Variants in MIA3 observed in about 807,000 individuals in gnomAD.
MIA3 encodes the protein MIA SH3 domain ER export factor 3, also known as transport and Golgi organization protein 1 homolog.
A neutral mutation model predicts 192.4 loss-of-function variants in MIA3; 90 were observed. That is an observed-to-expected ratio of 0.47 (90% CI 0.39 to 0.56). The LOEUF (loss-of-function observed/expected upper bound fraction) is 0.56, where lower values mean the gene tolerates loss of function less well. Among genes scored for constraint, MIA3 ranks in the 20% least tolerant of loss-of-function variants. MIA3 has a pLI of 0.00. For synonymous variants in MIA3, 740 were observed against 792.8 expected, an observed-to-expected ratio of 0.93 and a Z score of 1.12; for missense variants, 2,123 against 2,269.4, an observed-to-expected ratio of 0.94 and a Z score of 1.31.
chr1:222,654,688 C>T lies in MIA3; in HGVS notation c.4502C>T (p.Ser1501Leu), dbSNP rs765148753. Residue 1501 changes from serine (S) to leucine (L), a missense_variant, in exon 18 of 28, where the codon TCA becomes TTA. Around this residue, in one of 3 missense-constraint regions of MIA3, gnomAD observed 762 missense variants for 856.4 expected, o/e 0.89. Transcript: ENST00000344922. ...QVKKLEDDRN[S>L]LQAAKAGLED... is the part of the protein sequence containing the mutation. ...AAGAAATTGGAAGATGACCGCAACTCACTACAAGCTGCCAAAGCTGGACTG... is the reference window on the plus strand; with the variant it reads ...AAGAAATTGGAAGATGACCGCAACTTACTACAAGCTGCCAAAGCTGGACTG... 3.1e-6 allele frequency: 5 copies of T among 1,613,994 alleles called. No individual in the cohort carries two copies. The South Asian group carries it at 4.4e-5, about 14-fold the overall frequency.
Position 222,666,921 on chromosome 1 carries a change from G to A in MIA3, c.*1302G>A, listed in dbSNP as rs2124942222. 1 of 152,134 alleles carries A rather than the reference G, an allele frequency of 6.6e-6. No individual in the cohort carries two copies. The highest frequency in any genetic ancestry group is 6.5e-5 in the Admixed American group (1 of 15,290). The allele number at this position is 152,134 out of a possible 1,614,324, so 9.4% of individuals were successfully genotyped here. A position where few individuals can be genotyped will look rare whatever the true frequency, so the allele number is the denominator to read the frequency against. ...ACAGTAATAATAGCACTCCTTTTAA[G>A]GAGTTTCAGATCCACACTAAAACTA... On this transcript the variant is annotated 3_prime_UTR_variant, in exon 28 of 28. Coordinates refer to ENST00000344922, the MANE Select transcript of MIA3 (RefSeq NM_198551.4).
chr1:222,665,658 C>T lies in MIA3; in HGVS notation c.*39C>T. The T allele has an allele frequency of 6.7e-7, 1 of 1,482,958 alleles. No individual in the cohort carries two copies. The highest frequency in any genetic ancestry group is 1.3e-5 in the South Asian group (1 of 75,866). 91.9% of individuals were successfully genotyped at this position (1,482,958 alleles called of 1,614,324 possible). A position where few individuals can be genotyped will look rare whatever the true frequency, so the allele number is the denominator to read the frequency against. ...GAGGTTTCATTGGAAAGAAAGTGTACTGTGCATTATCCATTACAGTAAAGG... is the reference window on the plus strand; with the variant it reads ...GAGGTTTCATTGGAAAGAAAGTGTATTGTGCATTATCCATTACAGTAAAGG... On this transcript the variant is annotated 3_prime_UTR_variant, in exon 28 of 28. Transcript: ENST00000344922.
Position 222,628,228 on chromosome 1 carries a change from G to A in MIA3, c.1008G>A (p.Gly336=), listed in dbSNP as rs377662556. ...TGCCATTACTTACCTTTACAGATGG[G>A]GAAGATATGAAAACTCCAGCAAAGT... ...DELPLLTFTD[G]EDMKTPAKSG... Residue 336 remains glycine, a synonymous_variant, in exon 4 of 28, where the codon GGG becomes GGA. Transcript: ENST00000344922. 75 of 1,614,058 alleles carry A rather than the reference G, an allele frequency of 4.6e-5. 3 individuals are homozygous for A. In the South Asian group the frequency reaches 6.8e-4, roughly 15 times the overall value.
At chr1:222,651,901 T>A in intron 11 of MIA3, 76 bp from the exon 12 acceptor site, 2 of 849,812 alleles carry the variant, frequency 2.4e-6, no homozygotes, top group African/African-American at 3.4e-5. Context: ...TGTTGATGTT[T>A]CTTCTTCTTA....
At position 222,664,344 on chromosome 1, in the gene MIA3, T is replaced by C. The variant is rs968036245; in HGVS notation, c.5413+196T>C. ...CTCCTGTGATTAGATGGGCAATAGT[T>C]GTCTCTAATAGAACAAGGAAAGGGG... is the stretch of plus-strand genomic sequence containing the variant. On this transcript the variant is annotated intron_variant, in intron 27 of 27. Transcript: ENST00000344922. Among the ~76,000 whole-genome samples the C allele has an allele frequency of 1.4e-4, 22 of 152,348 alleles. 2 individuals are homozygous for C. The East Asian group carries it at 1.9e-3, about 13-fold the overall frequency.
intron 6 of MIA3, among the ~76,000 whole-genome samples, chr1:222,633,589 A>G (rs532164037): frequency 3.9e-5 from 6 of 152,338 alleles, no homozygotes; most frequent in Admixed American, 6.5e-5. Flanking sequence ...TGGTAGAACA[A>G]TCTGTGGCAT....
In MIA3 at chr1:222,667,268, A is replaced by G. The variant is rs563210999; in HGVS notation, c.*1649A>G. On this transcript the variant is annotated 3_prime_UTR_variant, in exon 28 of 28. Coordinates refer to ENST00000344922, the MANE Select transcript of MIA3 (RefSeq NM_198551.4). The stretch of plus-strand genomic sequence containing the variant: ...TATGTCCTCCCGTTTAATATCAAGA[A>G]TAGAAGAAATTAAGAGGAAAACTCC... 6 of 152,358 alleles carry G rather than the reference A, an allele frequency of 3.9e-5. No individual in the cohort carries two copies. The South Asian group carries it at 1.2e-3, about 32-fold the overall frequency. The allele number at this position is 152,358 out of a possible 1,614,324, so 9.4% of individuals were successfully genotyped here.
chr1:222,646,449 C>T (rs150809402), intron 7 of MIA3, among the ~76,000 whole-genome samples: 2 of 150,238 alleles, frequency 1.3e-5, no homozygotes, highest in African/African-American at 4.9e-5. Flanking sequence ...AATAACCAAT[C>T]ATGCATTAAA....
intron 6 of MIA3, among the ~76,000 whole-genome samples, chr1:222,643,594 C>T (rs1320337908): frequency 6.6e-6 from 1 of 152,132 alleles, no homozygotes; most frequent in Non-Finnish European, 1.5e-5. Context: ...TTAAATGTCC[C>T]CGGTTTCTTC....
Position 222,650,838 on chromosome 1 carries a change from A to C in MIA3, c.3844A>C (p.Thr1282Pro). The C allele has an allele frequency of 6.2e-7, 1 of 1,610,988 alleles. No individual in the cohort carries two copies. The highest frequency in any genetic ancestry group is 8.5e-7 in the Non-Finnish European group (1 of 1,178,912). Residue 1282 changes from threonine to proline, a missense_variant, in exon 11 of 28, where the codon ACA (threonine) becomes CCA (proline). Around this residue, in one of 3 missense-constraint regions of MIA3, gnomAD observed 762 missense variants for 856.4 expected, o/e 0.89. Coordinates refer to ENST00000344922, the MANE Select transcript of MIA3 (RefSeq NM_198551.4). Reference protein sequence around the residue: ...LEKNQEILDDTAKNLRVMLES... With the variant: ...LEKNQEILDDPAKNLRVMLES... ...AAAAAATCAGGAAATTCTGGATGAC[A>C]CAGCTAAAAATCTTCGTGTTATGCT... is the stretch of plus-strand genomic sequence containing the variant.
At position 222,624,855 on chromosome 1, in the gene MIA3, G is replaced by A. The variant is rs1354216029; in HGVS notation, c.354+1G>A. On this transcript the variant is annotated splice_donor_variant, in intron 3 of 27. Transcript: ENST00000344922. LOFTEE classifies it high-confidence loss of function. ...AGAAGAGCTACAAGTTCCAACAGAT[G>A]TAAGTTGTGGATTTCTGTCTTGTTC... The A allele has an allele frequency of 1.3e-6, 2 of 1,552,396 alleles. No individual in the cohort carries two copies. Among genetic ancestry groups the A allele is most frequent in the East Asian group, 2.3e-5 (1 of 44,358 alleles).
At position 222,667,115 on chromosome 1, in the gene MIA3, A is replaced by G. The variant is rs529971707; in HGVS notation, c.*1496A>G. ...GGAGCAAAAGCTTCAATGTGAAACA[A>G]TTTTCTCTCTTTATACTAAACAACT... On this transcript the variant is annotated 3_prime_UTR_variant, in exon 28 of 28. Coordinates refer to ENST00000344922, the MANE Select transcript of MIA3 (RefSeq NM_198551.4). 2 of 152,316 alleles carry G rather than the reference A, an allele frequency of 1.3e-5. No individual in the cohort carries two copies. Among genetic ancestry groups the G allele is most frequent in the South Asian group, 2.1e-4 (1 of 4,822 alleles). The allele number at this position is 152,316 out of a possible 1,614,324, so 9.4% of individuals were successfully genotyped here. A position where few individuals can be genotyped will look rare whatever the true frequency, so the allele number is the denominator to read the frequency against.
At chr1:222,637,117 T>G (rs1048878243) in intron 6 of MIA3, among the ~76,000 whole-genome samples, 2 of 152,244 alleles carry the variant, frequency 1.3e-5, no homozygotes, top group Non-Finnish European at 2.9e-5. Context: ...TCATACCAGT[T>G]ACTGTCTATG....
intron 18 of MIA3, among the ~76,000 whole-genome samples, chr1:222,657,413 G>A (rs1445050517): frequency 6.6e-6 from 1 of 152,246 alleles, no homozygotes; most frequent in Admixed American, 6.5e-5. Context: ...TATCTGCATT[G>A]TCTTCAATGC....
rs79138554 is a variant in MIA3 at position 222,633,646 on chromosome 1, C to T, written c.3477+397C>T. Among the ~76,000 whole-genome samples the T allele has an allele frequency of 1.2e-3, 183 of 152,098 alleles. 5 individuals are homozygous for T. In the East Asian group the frequency reaches 0.015, roughly 13 times the overall value. On this transcript the variant is annotated intron_variant, in intron 6 of 27. Transcript: ENST00000344922. ...AGAGTGATAGGAAAGGCCAGAAATT[C>T]GCTGAGATATGCTTTAAGCAGATTC...
chr1:222,628,865 A>G lies in MIA3; in HGVS notation c.1645A>G (p.Ile549Val), dbSNP rs576862491. 2 of 1,614,172 alleles carry G rather than the reference A, an allele frequency of 1.2e-6. No individual in the cohort carries two copies. The highest frequency in any genetic ancestry group is 1.3e-5 in the African/African-American group (1 of 75,056). ...CCACGAAGAAAAGCCTGGAGAGCAG[A>G]TTTTGGAAGGTGGCTCAGAGAGTGA... ...MLHEEKPGEQILEGGSESESA... is the reference protein window; with the variant it reads ...MLHEEKPGEQVLEGGSESESA... The change falls in exon 4 of 28, where the codon ATT becomes GTT. Residue 549 changes from isoleucine to valine, a missense_variant. Physicochemically the swap from Ile to Val is conservative, Grantham distance 29. Around this residue, in one of 3 missense-constraint regions of MIA3, gnomAD observed 1,357 missense variants for 1,396.1 expected, o/e 0.97. Coordinates refer to ENST00000344922, the MANE Select transcript of MIA3 (RefSeq NM_198551.4).
chr1:222,660,344 T>C (rs1314392552), intron 24 of MIA3, 30 bp downstream of exon 24: 7 of 1,588,782 alleles, frequency 4.4e-6, no homozygotes, highest in Non-Finnish European at 6.0e-6. Context: ...CTTGCAATAC[T>C]CTTTTGGGTG....
chr1:222,644,148 C>G (rs528761454), intron 6 of MIA3, among the ~76,000 whole-genome samples: 2 of 152,332 alleles, frequency 1.3e-5, no homozygotes, highest in Admixed American at 6.5e-5. Context: ...GCGAAAGCGC[C>G]AGTCACTTCC....
At chr1:222,626,083 T>C (rs939978137) in intron 3 of MIA3, among the ~76,000 whole-genome samples, 1 of 152,180 alleles carries the variant, frequency 6.6e-6, no homozygotes, top group Non-Finnish European at 1.5e-5. Context: ...TTTGTGAGTT[T>C]TAGAATTTAT....
Sources: gnomAD v4.1 joint callset for allele counts (sites outside exome capture counted in the v4.1 genomes callset) on GRCh38, gnomAD v4.1.1 for gene constraint, gnomAD v4.1.1 regional missense constraint, MANE v1.5 for transcripts, NCBI Gene and HGNC (gene_info 2026-07-23, HGNC 2026-07-21) for gene names.